Variants in TTYH3 observed in about 807,000 individuals in gnomAD.
The protein encoded by TTYH3 is protein tweety homolog 3.
TTYH3 carries 23 observed loss-of-function variants against 68.2 expected under a neutral mutation model. That is an observed-to-expected ratio of 0.34 (90% CI 0.24 to 0.48). The LOEUF is 0.48. TTYH3 is among the 20% of genes least tolerant of loss of function. The pLI is 0.99. For missense variants in TTYH3, 768 were observed against 727.7 expected (o/e 1.06, Z -0.64); for synonymous variants, 360 against 332.8 (o/e 1.08, Z -0.89).
At chr7:2,636,633 C>T (rs140520230) in intron 1 of TTYH3, among the ~76,000 whole-genome samples, 34 of 152,288 alleles carry the variant, frequency 2.2e-4, no homozygotes, top group Admixed American at 1.7e-3. Context: ...GGGTGTACAG[C>T]GAATGGGACC....
chr7:2,652,702 G>A, intron 8 of TTYH3: 1 of 583,184 alleles, frequency 1.7e-6, no homozygotes, highest in Non-Finnish European at 3.1e-6. Flanking sequence ...GCTGGTGTGG[G>A]TGCGTGGTTG....
chr7:2,646,972 C>T lies in TTYH3; in HGVS notation c.243C>T (p.Ala81=). ...RRRKSEEHLD[A]DCCCTAWCVI... ...GCAAGAGCGAGGAGCACCTGGACGC[C>T]GACTGCTGCTGCACGGCCTGGTGTG... Residue 81 remains alanine, a synonymous_variant, in exon 2 of 14, where the codon GCC becomes GCT. Transcript: ENST00000258796. 2 of 1,596,078 alleles carry T rather than the reference C, an allele frequency of 1.3e-6. No individual in the cohort carries two copies. The highest frequency in any genetic ancestry group is 8.5e-7 in the Non-Finnish European group (1 of 1,175,836).
In TTYH3 at chr7:2,662,475, G is replaced by T. The variant is rs898725384; in HGVS notation, c.*736G>T. 6.5e-6 allele frequency: 1 copy of T among 153,752 alleles called. No individual in the cohort carries two copies. Among genetic ancestry groups the T allele is most frequent in the Admixed American group, 6.5e-5 (1 of 15,346 alleles). The allele number at this position is 153,752 out of a possible 1,614,324, so 9.5% of individuals were successfully genotyped here. On this transcript the variant is annotated 3_prime_UTR_variant, in exon 14 of 14. Coordinates refer to ENST00000258796, the MANE Select transcript of TTYH3 (RefSeq NM_025250.3). Reference sequence around the variant, plus strand: ...CCACCCAGTGCTGGCCGCCTTCTTGGTGCCAAACCCCCTTCCCCCACCCAG... The same window carrying T: ...CCACCCAGTGCTGGCCGCCTTCTTGTTGCCAAACCCCCTTCCCCCACCCAG...
At chr7:2,652,879 C>T in intron 8 of TTYH3, 39 bp from the exon 9 acceptor site, 2 of 1,498,842 alleles carry the variant, frequency 1.3e-6, no homozygotes, top group Non-Finnish European at 9.0e-7. Context: ...GCGGGCGGAC[C>T]CAGCAGCGCC....
chr7:2,659,149 G>C lies in TTYH3; in HGVS notation c.1500+134G>C. ...GGGCAGCTGTGAGCTGCCACCACCG[G>C]GGTCCCAGGTGACCCTTCCCAGCTG... On this transcript the variant is annotated intron_variant, in intron 13 of 13. Coordinates refer to ENST00000258796, the MANE Select transcript of TTYH3 (RefSeq NM_025250.3). 3.4e-6 allele frequency: 3 copies of C among 890,766 alleles called. No individual in the cohort carries two copies. The South Asian group carries it at 4.9e-5, about 15-fold the overall frequency. 55.2% of individuals were successfully genotyped at this position (890,766 alleles called of 1,614,324 possible).
chr7:2,662,756 G>T lies in TTYH3; in HGVS notation c.*1017G>T, dbSNP rs1786528753. On this transcript the variant is annotated 3_prime_UTR_variant, in exon 14 of 14. Transcript: ENST00000258796. ...CTAACCTCACCCCCAAACTCCACGGGTGCCCCTAGCTGGCCCAGAGCCGGC... is the reference window on the plus strand; with the variant it reads ...CTAACCTCACCCCCAAACTCCACGGTTGCCCCTAGCTGGCCCAGAGCCGGC... 1 of 152,898 alleles carries T rather than the reference G, an allele frequency of 6.5e-6. No homozygotes were observed. The highest frequency in any genetic ancestry group is 2.4e-5 in the African/African-American group (1 of 41,458). 9.5% of individuals were successfully genotyped at this position (152,898 alleles called of 1,614,324 possible).
chr7:2,647,166 C>T lies in TTYH3; in HGVS notation c.318C>T (p.Tyr106=), dbSNP rs1343198876. 3 of 1,606,232 alleles carry T rather than the reference C, an allele frequency of 1.9e-6. No individual in the cohort carries two copies. Among genetic ancestry groups the T allele is most frequent in the Non-Finnish European group, 2.5e-6 (3 of 1,177,868 alleles). ...VCSAGIAVGF[Y]GNGETSDGIH... Reference sequence around the variant, plus strand: ...GCGCCGGCATCGCAGTGGGATTCTACGGCAACGGGGAGACCAGTGATGGCA... The same window carrying T: ...GCGCCGGCATCGCAGTGGGATTCTATGGCAACGGGGAGACCAGTGATGGCA... Residue 106 remains tyrosine, a synonymous_variant, in exon 3 of 14, where the codon TAC becomes TAT. Coordinates refer to ENST00000258796, the MANE Select transcript of TTYH3 (RefSeq NM_025250.3).
chr7:2,632,971 G>T (rs946989524), intron 1 of TTYH3, among the ~76,000 whole-genome samples: 3 of 152,144 alleles, frequency 2.0e-5, no homozygotes, highest in Admixed American at 1.3e-4. Flanking sequence ...AGGAAGCACC[G>T]TGGGCCTCAG....
Position 2,647,526 on chromosome 7 carries a change from C to T in TTYH3, c.514C>T (p.Gln172Ter). The T allele has an allele frequency of 6.5e-7, 1 of 1,549,374 alleles. No homozygotes were observed. The highest frequency in any genetic ancestry group is 8.7e-7 in the Non-Finnish European group (1 of 1,148,318). ...PEPLRAVQRL[Q>*]GLLETLLGYT... ...GCCCCTGCGAGCCGTACAGAGGCTGCAGGGCCTGCTGGAGACGCTGCTGGG... is the reference window on the plus strand; with the variant it reads ...GCCCCTGCGAGCCGTACAGAGGCTGTAGGGCCTGCTGGAGACGCTGCTGGG... The change falls in exon 4 of 14, where the codon CAG becomes TAG. Residue 172 changes from glutamine (Q) to a stop codon, truncating the protein, a stop_gained. Coordinates refer to ENST00000258796, the MANE Select transcript of TTYH3 (RefSeq NM_025250.3). LOFTEE classifies it high-confidence loss of function.
At position 2,644,939 on chromosome 7, in the gene TTYH3, A is replaced by T. The variant is rs538593634; in HGVS notation, c.124-1914A>T. Among the ~76,000 whole-genome samples the T allele has an allele frequency of 2.0e-5, 3 of 152,294 alleles. No homozygotes were observed. The East Asian group carries it at 5.8e-4, about 29-fold the overall frequency. ...CACTGTGGCTGAGCCTCTCATCCCA[A>T]GGGGGGGCCAGGCAGGGGACCATCT... On this transcript the variant is annotated intron_variant, in intron 1 of 13. Coordinates refer to ENST00000258796, the MANE Select transcript of TTYH3 (RefSeq NM_025250.3).
intron 5 of TTYH3, among the ~76,000 whole-genome samples, chr7:2,648,762 G>A (rs888738471): frequency 2.6e-5 from 4 of 151,948 alleles, no homozygotes; most frequent in Middle Eastern, 3.4e-3. Context: ...GTGGTGGGGG[G>A]GGGTGCAGCT....
In TTYH3 at chr7:2,650,802, A is replaced by G. The variant is rs1353106208; in HGVS notation, c.871+814A>G. ...AAAGCTTCCTCAGGCCTCAAGGGTTACAAGAGTGGGTGAGGAGGATACCTC... is the reference window on the plus strand; with the variant it reads ...AAAGCTTCCTCAGGCCTCAAGGGTTGCAAGAGTGGGTGAGGAGGATACCTC... On this transcript the variant is annotated intron_variant, in intron 7 of 13. Coordinates refer to ENST00000258796, the MANE Select transcript of TTYH3 (RefSeq NM_025250.3). 5.3e-5 allele frequency among the ~76,000 whole-genome samples: 8 copies of G among 151,934 alleles called. No homozygotes were observed. In the East Asian group the frequency reaches 1.6e-3, roughly 30 times the overall value.
At chr7:2,640,261 C>T (rs1016778292) in intron 1 of TTYH3, among the ~76,000 whole-genome samples, 2 of 152,226 alleles carry the variant, frequency 1.3e-5, no homozygotes, top group Non-Finnish European at 1.5e-5. Flanking sequence ...CCCCAGTGGG[C>T]CAGGGCCTCC....
intron 9 of TTYH3, among the ~76,000 whole-genome samples, chr7:2,653,727 G>T (rs796145396): frequency 6.6e-6 from 1 of 152,216 alleles, no homozygotes; most frequent in African/African-American, 2.4e-5. Context: ...GCTGGGCGTG[G>T]TGGTACACGC....
intron 1 of TTYH3, among the ~76,000 whole-genome samples, chr7:2,636,860 A>G (rs1458111685): frequency 6.6e-6 from 1 of 151,946 alleles, no homozygotes; most frequent in Non-Finnish European, 1.5e-5. Context: ...GGGTTCCTAT[A>G]TCTGGGCTCC....
At position 2,661,935 on chromosome 7, in the gene TTYH3, C is replaced by A; in HGVS notation, c.*196C>A. ...ACGCAGGGGCTCTGGGCCCGTACCGCCAACTCGGGTCACACCTGAACGCTG... is the reference window on the plus strand; with the variant it reads ...ACGCAGGGGCTCTGGGCCCGTACCGACAACTCGGGTCACACCTGAACGCTG... On this transcript the variant is annotated 3_prime_UTR_variant, in exon 14 of 14. Transcript: ENST00000258796. 1.6e-6 allele frequency: 1 copy of A among 640,418 alleles called. No homozygotes were observed. Among genetic ancestry groups the A allele is most frequent in the African/African-American group, 1.8e-5 (1 of 55,162 alleles). The allele number at this position is 640,418 out of a possible 1,614,324, so 39.7% of individuals were successfully genotyped here.
At chr7:2,653,564 T>TA (rs145525178) in intron 9 of TTYH3, among the ~76,000 whole-genome samples, 3,454 of 152,150 alleles carry the variant, frequency 0.023, 77 homozygotes, top group African/African-American at 0.05. Flanking sequence ...TACAATATGT[T>TA]AAAAAAATAA....
chr7:2,660,313 G>A (rs1786460530), intron 13 of TTYH3: 11 of 985,248 alleles, frequency 1.1e-5, no homozygotes, highest in Non-Finnish European at 1.3e-5. Flanking sequence ...AGCTCCAAGT[G>A]GCCCCAGCCC....
At chr7:2,632,346 C>T in intron 1 of TTYH3, 68 bp downstream of exon 1, 1 of 1,398,362 alleles carries the variant, frequency 7.2e-7, no homozygotes. Context: ...CTCCCAGGGT[C>T]ACGGCCCCCA....
Sources: allele counts gnomAD v4.1 joint callset (sites outside exome capture counted in the v4.1 genomes callset), GRCh38; gene constraint gnomAD v4.1.1; transcripts MANE v1.5; gene names NCBI Gene and HGNC (gene_info 2026-07-23, HGNC 2026-07-21).